Variants in DNAH17 observed in about 807,000 individuals in gnomAD.
DNAH17 encodes axonemal beta dynein heavy chain 17.
DNAH17 carries 376 observed loss-of-function variants against 485.6 expected under a neutral mutation model. The ratio of observed to expected loss-of-function variants is 0.77; its 90% CI spans 0.71 to 0.84. The LOEUF is 0.84. DNAH17 is among the 40% of genes least tolerant of loss of function. The pLI is 0.00. For missense variants in DNAH17, 6,370 were observed against 5,839.3 expected (o/e 1.09, Z -2.96); for synonymous variants, 3,031 against 2,405.9 (o/e 1.26, Z -7.60).
intron 7 of DNAH17, among the ~76,000 whole-genome samples, chr17:78,569,738 G>C (rs1393487862): frequency 6.6e-6 from 1 of 152,234 alleles, no homozygotes; most frequent in Non-Finnish European, 1.5e-5. Flanking sequence ...AGCATAAATG[G>C]GTGGGGGTCG....
Position 78,486,009 on chromosome 17 carries a change from C to T in DNAH17, c.7226G>A (p.Trp2409Ter), listed in dbSNP as rs760516641. ...CTCAAAGGAGGGCACTTTATCTGTC[C>T]AGGGCAGGAACTTTTTTGTGTCAGG... ...IDPDTKKFLP[W>*]TDKVPSFELD... The change falls in exon 46 of 81, where the codon TGG becomes TAG. Residue 2409 changes from tryptophan (W) to a stop codon, truncating the protein, a stop_gained. Coordinates refer to ENST00000389840, the MANE Select transcript of DNAH17 (RefSeq NM_173628.4). LOFTEE classifies it high-confidence loss of function. The T allele has an allele frequency of 6.2e-7, 1 of 1,613,810 alleles. No individual in the cohort carries two copies. Among genetic ancestry groups the T allele is most frequent in the East Asian group, 2.2e-5 (1 of 44,876 alleles).
Position 78,426,548 on chromosome 17 carries a change from TAGAAG to T in DNAH17, c.12819_12823del (p.Phe4274Ter). 1 of 1,613,640 alleles carries T rather than the reference TAGAAG, an allele frequency of 6.2e-7. No homozygotes were observed. Among genetic ancestry groups the T allele is most frequent in the Non-Finnish European group, 8.5e-7 (1 of 1,179,698 alleles). On this transcript the variant is annotated frameshift_variant, in exon 79 of 81. Transcript: ENST00000389840. LOFTEE classifies it high-confidence loss of function. ...CACCCACGTATCAGGCACGGTGTCATAGAAGAGAGCCGTGGACAGATCTTCCACGT... is the reference window on the plus strand; with the variant it reads ...CACCCACGTATCAGGCACGGTGTCATAGAGCCGTGGACAGATCTTCCACGT...
chr17:78,445,017 C>G lies in DNAH17; in HGVS notation c.11335-220G>C, dbSNP rs2087221670. On this transcript the variant is annotated intron_variant, in intron 70 of 80. Coordinates refer to ENST00000389840, the MANE Select transcript of DNAH17 (RefSeq NM_173628.4). ...GGGAGCCTCCTCGGCAGGGTCTAAC[C>G]TGCGGACATGAGGCCTGGGATGGGC... 2.0e-5 allele frequency among the ~76,000 whole-genome samples: 3 copies of G among 152,140 alleles called. No individual in the cohort carries two copies. In the South Asian group the frequency reaches 6.2e-4, roughly 32 times the overall value.
chr17:78,492,178 C>A (rs1598573916), intron 42 of DNAH17, among the ~76,000 whole-genome samples: 1 of 152,146 alleles, frequency 6.6e-6, no homozygotes, highest in Non-Finnish European at 1.5e-5. Context: ...TCTCGCAGCT[C>A]CTTTCTGCAG....
At chr17:78,540,444 T>C (rs1268934610) in intron 17 of DNAH17, among the ~76,000 whole-genome samples, 34 of 22,264 alleles carry the variant, frequency 1.5e-3, no homozygotes, top group African/African-American at 6.8e-3. Flanking sequence ...GATGGATGGA[T>C]GGATGGGTGG....
At chr17:78,441,343 G>A in intron 71 of DNAH17, 144 bp from the exon 72 acceptor site, 1 of 914,664 alleles carries the variant, frequency 1.1e-6, no homozygotes, top group Non-Finnish European at 1.6e-6. Flanking sequence ...GGAGAGCAGA[G>A]TCTTTACCGG....
At chr17:78,555,261 CA>C (rs140682219) in intron 14 of DNAH17, among the ~76,000 whole-genome samples, 4,864 of 152,204 alleles carry the variant, frequency 0.032, 148 homozygotes, top group Middle Eastern at 0.088. Flanking sequence ...TAAACAATGA[CA>C]AGGACAGTGG....
intron 19 of DNAH17, 195 bp from the exon 20 acceptor site, chr17:78,532,931 G>A (rs544839614): frequency 8.5e-6 from 5 of 588,092 alleles, no homozygotes; most frequent in Admixed American, 3.2e-5. Flanking sequence ...CTCCTGGGAG[G>A]TCACCATACT....
Position 78,558,912 on chromosome 17 carries a change from A to G in DNAH17, c.2032-658T>C, listed in dbSNP as rs2143630830. ...CTGGTCACATCACGGGCCTCATCTC[A>G]TGGGATCGCCCAGCCGCTGGCACTC... On this transcript the variant is annotated intron_variant, in intron 13 of 80. Coordinates refer to ENST00000389840, the MANE Select transcript of DNAH17 (RefSeq NM_173628.4). Among the ~76,000 whole-genome samples, 5 of 152,136 alleles carry G rather than the reference A, an allele frequency of 3.3e-5. No homozygotes were observed. In the South Asian group the frequency reaches 1.0e-3, roughly 32 times the overall value.
intron 60 of DNAH17, 145 bp downstream of exon 60, chr17:78,459,639 T>C: frequency 2.3e-6 from 2 of 853,824 alleles, no homozygotes; most frequent in Middle Eastern, 3.5e-4. Context: ...AGCTGTGTTC[T>C]TGGGGTGCTG....
intron 24 of DNAH17, among the ~76,000 whole-genome samples, chr17:78,526,202 C>G (rs1428876127): frequency 6.6e-6 from 1 of 152,218 alleles, no homozygotes; most frequent in African/African-American, 2.4e-5. Context: ...AGAGTGGGAA[C>G]ACGAGTGAAG....
At chr17:78,544,120 G>C in intron 16 of DNAH17, 123 bp from the exon 17 acceptor site, 2 of 1,375,924 alleles carry the variant, frequency 1.5e-6, no homozygotes, top group East Asian at 2.4e-5. Flanking sequence ...TTGGAGTCTA[G>C]TTCTCCACGA....
Position 78,450,353 on chromosome 17 carries a change from CGCTT to C in DNAH17, c.10937_10940del (p.Glu3646GlyfsTer19). 2 of 1,613,986 alleles carry C rather than the reference CGCTT, an allele frequency of 1.2e-6. No homozygotes were observed. Among genetic ancestry groups the C allele is most frequent in the Non-Finnish European group, 1.7e-6 (2 of 1,179,864 alleles). On this transcript the variant is annotated frameshift_variant, in exon 68 of 81. Transcript: ENST00000389840. LOFTEE classifies it high-confidence loss of function. ...CCGCAGCCGGGCGGTAGTTCTCTCT[CGCTT>C]CGTTGATTTTAACTTCTGTGATTTT...
chr17:78,450,051 C>T (rs563164558), intron 68 of DNAH17: 184 of 611,468 alleles, frequency 3.0e-4, no homozygotes, highest in African/African-American at 3.0e-3. Flanking sequence ...GCAGCTCATA[C>T]CCTCTCCTGG....
At chr17:78,564,176 C>G (rs971779513) in intron 11 of DNAH17, among the ~76,000 whole-genome samples, 4 of 152,046 alleles carry the variant, frequency 2.6e-5, no homozygotes, top group African/African-American at 9.7e-5. Flanking sequence ...GTTGAACTCG[C>G]CAACCCAGCT....
At chr17:78,470,166 C>G (rs1198936737) in intron 54 of DNAH17, among the ~76,000 whole-genome samples, 1 of 150,282 alleles carries the variant, frequency 6.7e-6, no homozygotes, top group African/African-American at 2.4e-5. Context: ...CTCCGCCTCC[C>G]GGGTTCAAGG....
At chr17:78,533,395 G>A (rs2091291661) in intron 19 of DNAH17, among the ~76,000 whole-genome samples, 1 of 152,202 alleles carries the variant, frequency 6.6e-6, no homozygotes, top group South Asian at 2.1e-4. Context: ...GGGTAGACAA[G>A]GAGCAAGAGA....
At chr17:78,560,489 C>A (rs1292326031) in intron 13 of DNAH17, among the ~76,000 whole-genome samples, 1 of 146,720 alleles carries the variant, frequency 6.8e-6, no homozygotes, top group African/African-American at 2.5e-5. Context: ...TCCCCCCCCC[C>A]AGTTTCAAAT....
intron 56 of DNAH17, among the ~76,000 whole-genome samples, chr17:78,464,784 G>T (rs1200279336): frequency 6.6e-6 from 1 of 152,182 alleles, no homozygotes; most frequent in Non-Finnish European, 1.5e-5. Flanking sequence ...CCTTGGCTGC[G>T]CCGGGGCTGA....
Sources: allele counts gnomAD v4.1 joint callset (sites outside exome capture counted in the v4.1 genomes callset), GRCh38; gene constraint gnomAD v4.1.1; transcripts MANE v1.5; gene names NCBI Gene and HGNC (gene_info 2026-07-23, HGNC 2026-07-21).